USP53: variants seen among roughly 807,000 people sequenced by gnomAD.
USP53 encodes the protein ubiquitin carboxyl-terminal hydrolase 53.
In USP53, 71 loss-of-function variants were observed where a neutral mutation model predicts 94.9. The ratio of observed to expected loss-of-function variants is 0.75; its 90% CI spans 0.62 to 0.91. The LOEUF is 0.91. USP53 is among the 40% of genes least tolerant of loss of function. The pLI is 0.00. For missense variants in USP53, 1,173 were observed against 1,281.0 expected (o/e 0.92, Z 1.29); for synonymous variants, 375 against 422.7 (o/e 0.89, Z 1.39).
At position 119,272,035 on chromosome 4, in the gene USP53, G is replaced by A; in HGVS notation, c.2174+1G>A. 1 of 1,550,764 alleles carries A rather than the reference G, an allele frequency of 6.4e-7. No homozygotes were observed. The highest frequency in any genetic ancestry group is 8.7e-7 in the Non-Finnish European group (1 of 1,152,174). ...GTGTTAAAGAAACAGTATGCTTCAG[G>A]TAATGTAAAAGTTGAGTGAATCATT... On this transcript the variant is annotated splice_donor_variant, in intron 16 of 18. Transcript: ENST00000692078. LOFTEE classifies it high-confidence loss of function.
Position 119,272,043 on chromosome 4 carries a change from A to G in USP53, c.2174+9A>G. On this transcript the variant is annotated intron_variant, in intron 16 of 18. Transcript: ENST00000692078. ...GAAACAGTATGCTTCAGGTAATGTA[A>G]AAGTTGAGTGAATCATTTTTCCATC... The G allele has an allele frequency of 6.5e-7, 1 of 1,539,266 alleles. No individual in the cohort carries two copies. The highest frequency in any genetic ancestry group is 8.7e-7 in the Non-Finnish European group (1 of 1,147,690).
chr4:119,229,822 C>A (rs946336168), intron 3 of USP53, among the ~76,000 whole-genome samples: 1 of 152,138 alleles, frequency 6.6e-6, no homozygotes, highest in Admixed American at 6.6e-5. Flanking sequence ...AATTTCTCTG[C>A]TTAAAACCAA....
chr4:119,248,684 A>G, intron 6 of USP53, 64 bp from the exon 7 acceptor site: 1 of 1,565,866 alleles, frequency 6.4e-7, no homozygotes, highest in South Asian at 1.2e-5. Flanking sequence ...CTGTGTTGTA[A>G]TGAAATTACT....
chr4:119,243,466 C>T (rs946453015), intron 5 of USP53, among the ~76,000 whole-genome samples: 6 of 151,854 alleles, frequency 4.0e-5, no homozygotes, highest in African/African-American at 1.5e-4. Context: ...CCATCACACT[C>T]CAGCTTGGGC....
intron 3 of USP53, chr4:119,218,398 G>A (rs1383431977): frequency 6.6e-6 from 1 of 152,174 alleles, no homozygotes; most frequent in Non-Finnish European, 1.5e-5. Flanking sequence ...GTGTATGCTT[G>A]TCTTTTGCTA....
intron 9 of USP53, among the ~76,000 whole-genome samples, chr4:119,259,046 C>T (rs781080257): frequency 3.3e-5 from 5 of 151,964 alleles, no homozygotes; most frequent in South Asian, 2.1e-4. Context: ...TTTGAGAGTC[C>T]GAGGTGGTTG....
At chr4:119,215,091 A>G (rs1021395003) in intron 2 of USP53, among the ~76,000 whole-genome samples, 4 of 152,160 alleles carry the variant, frequency 2.6e-5, no homozygotes, top group Non-Finnish European at 5.9e-5. Context: ...TTGCATCTGG[A>G]AGCATTTTTA....
chr4:119,217,771 T>G (rs2149257093), intron 3 of USP53, 98 bp downstream of exon 3: 1 of 152,244 alleles, frequency 6.6e-6, no homozygotes, highest in South Asian at 2.1e-4. Context: ...AAAGCAATTA[T>G]GAAGGGAGGG....
intron 16 of USP53, chr4:119,272,252 A>G (rs1047500219): frequency 1.2e-5 from 5 of 413,070 alleles, no homozygotes; most frequent in Non-Finnish European, 2.1e-5. Context: ...TCCATTTTGA[A>G]TAGTTATTTC....
In USP53 at chr4:119,260,553, G is replaced by C. The variant is rs2149386120; in HGVS notation, c.722G>C (p.Cys241Ser). 1 of 1,613,948 alleles carries C rather than the reference G, an allele frequency of 6.2e-7. No homozygotes were observed. The highest frequency in any genetic ancestry group is 2.2e-5 in the East Asian group (1 of 44,854). The change falls in exon 11 of 19, where the codon TGC (cysteine) becomes TCC (serine). Residue 241 changes from cysteine (C) to serine (S), a missense_variant. Coordinates refer to ENST00000692078, the MANE Select transcript of USP53 (RefSeq NM_001371395.1). Reference sequence around the variant, plus strand: ...AAAATTCGCCGTGTTTTAATGAATTGCCCAGAGATTGTTACAATTGGTTTA... The same window carrying C: ...AAAATTCGCCGTGTTTTAATGAATTCCCCAGAGATTGTTACAATTGGTTTA... Reference protein sequence around the residue: ...KIKIRRVLMNCPEIVTIGLVW... With the variant: ...KIKIRRVLMNSPEIVTIGLVW...
At position 119,293,337 on chromosome 4, in the gene USP53, G is replaced by A. The variant is rs1188676673; in HGVS notation, c.*126G>A. 10 of 1,111,576 alleles carry A rather than the reference G, an allele frequency of 9.0e-6. No homozygotes were observed. In the East Asian group the frequency reaches 2.3e-4, roughly 26 times the overall value. The allele number at this position is 1,111,576 out of a possible 1,614,324, so 68.9% of individuals were successfully genotyped here. ...AAAACTGACCAACTTTTACTTCTCA[G>A]AGGCCATTTAAATATAATAGGAACC... On this transcript the variant is annotated 3_prime_UTR_variant, in exon 19 of 19. Coordinates refer to ENST00000692078, the MANE Select transcript of USP53 (RefSeq NM_001371395.1).
At chr4:119,254,040 T>C (rs1051998095) in intron 7 of USP53, among the ~76,000 whole-genome samples, 1 of 152,330 alleles carries the variant, frequency 6.6e-6, no homozygotes, top group Admixed American at 6.5e-5. Flanking sequence ...ATGTTGAATA[T>C]TGGCCCCCAC....
At chr4:119,285,788 A>G (rs1476377196) in intron 17 of USP53, among the ~76,000 whole-genome samples, 1 of 151,816 alleles carries the variant, frequency 6.6e-6, no homozygotes, top group Non-Finnish European at 1.5e-5. Flanking sequence ...TTTTCTATGC[A>G]TTTTAAACAT....
At chr4:119,269,665 C>T (rs781747502) in intron 14 of USP53, 26 bp from the exon 15 acceptor site, 3 of 1,347,564 alleles carry the variant, frequency 2.2e-6, no homozygotes, top group South Asian at 2.4e-5. Context: ...TGATCTGTAT[C>T]ATAGTAAGAA....
chr4:119,238,911 G>A (rs1747157070), intron 4 of USP53, among the ~76,000 whole-genome samples: 1 of 152,060 alleles, frequency 6.6e-6, no homozygotes, highest in Non-Finnish European at 1.5e-5. Context: ...ATATTCTAGA[G>A]CAATTTAGTG....
At chr4:119,270,077 AATT>A (rs1194033279) in intron 15 of USP53, among the ~76,000 whole-genome samples, 1 of 148,462 alleles carries the variant, frequency 6.7e-6, no homozygotes, top group Non-Finnish European at 1.5e-5. Flanking sequence ...ATAGAAATTA[AATT>A]ATATTAAAGT....
At chr4:119,229,382 A>G (rs1745749275) in intron 3 of USP53, among the ~76,000 whole-genome samples, 1 of 152,046 alleles carries the variant, frequency 6.6e-6, no homozygotes, top group Non-Finnish European at 1.5e-5. Flanking sequence ...AAAATCCATT[A>G]TGTCCAACCC....
intron 14 of USP53, 27 bp from the exon 15 acceptor site, chr4:119,269,664 T>A: frequency 7.4e-7 from 1 of 1,347,460 alleles, no homozygotes; most frequent in Non-Finnish European, 9.6e-7. Flanking sequence ...ATGATCTGTA[T>A]CATAGTAAGA....
intron 3 of USP53, among the ~76,000 whole-genome samples, chr4:119,226,510 A>G (rs1327680328): frequency 6.6e-6 from 1 of 152,158 alleles, no homozygotes; most frequent in Non-Finnish European, 1.5e-5. Context: ...ATCATTTACT[A>G]TAATGTCAAA....
Sources: allele counts gnomAD v4.1 joint callset (sites outside exome capture counted in the v4.1 genomes callset), GRCh38; gene constraint gnomAD v4.1.1; transcripts MANE v1.5; gene names NCBI Gene and HGNC (gene_info 2026-07-23, HGNC 2026-07-21).